CTNNA2: variants seen among roughly 807,000 people sequenced by gnomAD.
CTNNA2 encodes the protein catenin alpha-2.
Under a neutral mutation model 101.0 loss-of-function variants are expected in CTNNA2, and 42 were observed. The ratio of observed to expected loss-of-function variants is 0.42; its 90% CI spans 0.32 to 0.54. CTNNA2 has a LOEUF of 0.54. Ranked by LOEUF, CTNNA2 falls within the 20% of genes least tolerant of loss-of-function variation. The pLI, the probability that CTNNA2 is intolerant of heterozygous loss-of-function variation, is 0.14. For synonymous variants in CTNNA2, 450 were observed against 456.4 expected (o/e 0.99, Z 0.18); for missense variants, 871 against 1,223.1 (o/e 0.71, Z 4.29).
intron 7 of CTNNA2, among the ~76,000 whole-genome samples, chr2:80,195,700 A>G (rs975352827): frequency 2.3e-4 from 35 of 152,060 alleles, no homozygotes; most frequent in Admixed American, 7.9e-4. Flanking sequence ...GCTTTTGAAA[A>G]CAAACAAGTA....
In CTNNA2 at chr2:80,376,597, G is replaced by C. The variant is rs138104684; in HGVS notation, c.1057-16614G>C. Among the ~76,000 whole-genome samples the C allele has an allele frequency of 7.8e-3, 1,186 of 152,246 alleles. 19 individuals are homozygous for C. The highest frequency in any genetic ancestry group is 0.027 in the African/African-American group (1,124 of 41,548). ...AAGAATTGTACATTAAAGAATGATAGATAGATCTCTAGACTTTGCATCATG... is the reference window on the plus strand; with the variant it reads ...AAGAATTGTACATTAAAGAATGATACATAGATCTCTAGACTTTGCATCATG... On this transcript the variant is annotated intron_variant, in intron 7 of 18. Transcript: ENST00000402739.
At chr2:80,279,547 T>A (rs1210668878) in intron 7 of CTNNA2, among the ~76,000 whole-genome samples, 1 of 152,192 alleles carries the variant, frequency 6.6e-6, no homozygotes, top group African/African-American at 2.4e-5. Flanking sequence ...ACTATTTATT[T>A]TTTTCGCTTT....
intron 18 of CTNNA2, among the ~76,000 whole-genome samples, chr2:80,637,571 C>T (rs2149845247): frequency 6.6e-6 from 1 of 152,264 alleles, no homozygotes; most frequent in African/African-American, 2.4e-5. Context: ...CAAACATTCA[C>T]TGGGAACGGA....
intron 7 of CTNNA2, among the ~76,000 whole-genome samples, chr2:80,267,732 A>G (rs1459467110): frequency 6.6e-6 from 1 of 152,230 alleles, no homozygotes; most frequent in Non-Finnish European, 1.5e-5. Flanking sequence ...GAATGAATAC[A>G]TGCAATCTAA....
At chr2:79,714,589 C>T (rs1211657750) in intron 2 of CTNNA2, among the ~76,000 whole-genome samples, 2 of 151,158 alleles carry the variant, frequency 1.3e-5, no homozygotes, top group Non-Finnish European at 2.9e-5. Context: ...CAATCTTTCA[C>T]CCAGCTGAAC....
At chr2:80,399,385 A>G (rs894604727) in intron 8 of CTNNA2, among the ~76,000 whole-genome samples, 7 of 152,126 alleles carry the variant, frequency 4.6e-5, no homozygotes, top group Non-Finnish European at 7.3e-5. Context: ...TCAATTCACA[A>G]AGTGGTTCAA....
intron 2 of CTNNA2, among the ~76,000 whole-genome samples, chr2:79,690,077 C>T (rs6728136): frequency 0.023 from 3,564 of 151,960 alleles, 137 homozygotes; most frequent in African/African-American, 0.081. Flanking sequence ...TGATGAAAGC[C>T]ATTAAGCCAC....
At chr2:80,433,764 C>T (rs1298716409) in intron 9 of CTNNA2, among the ~76,000 whole-genome samples, 2 of 152,180 alleles carry the variant, frequency 1.3e-5, no homozygotes, top group Non-Finnish European at 2.9e-5. Flanking sequence ...GTCCTCCTGT[C>T]ACCAGAAACC....
At chr2:79,442,824 A>C (rs1220812595) in intron 4 of CTNNA2, among the ~76,000 whole-genome samples, 4 of 152,120 alleles carry the variant, frequency 2.6e-5, no homozygotes, top group Non-Finnish European at 5.9e-5. Flanking sequence ...GGTTGAATTC[A>C]AAGCAGAGTG....
At chr2:80,423,390 A>C (rs990571661) in intron 9 of CTNNA2, among the ~76,000 whole-genome samples, 2 of 152,134 alleles carry the variant, frequency 1.3e-5, no homozygotes, top group Admixed American at 1.3e-4. Flanking sequence ...TCACTTATCC[A>C]TGTGGGTCCA....
intron 7 of CTNNA2, among the ~76,000 whole-genome samples, chr2:80,281,984 C>T (rs1034916605): frequency 5.3e-5 from 8 of 151,618 alleles, no homozygotes; most frequent in Non-Finnish European, 7.4e-5. Flanking sequence ...ATAGAACCTG[C>T]ATGTTGATCC....
intron 9 of CTNNA2, among the ~76,000 whole-genome samples, chr2:80,440,858 G>A (rs1682498189): frequency 6.6e-6 from 1 of 152,138 alleles, no homozygotes; most frequent in Non-Finnish European, 1.5e-5. Flanking sequence ...AGACAACCCT[G>A]ACCCTCAATG....
At chr2:79,605,476 A>G (rs1677824028) in intron 1 of CTNNA2, among the ~76,000 whole-genome samples, 1 of 152,200 alleles carries the variant, frequency 6.6e-6, no homozygotes, top group South Asian at 2.1e-4. Flanking sequence ...ACATAAAGAA[A>G]ATTCCACCGA....
intron 7 of CTNNA2, among the ~76,000 whole-genome samples, chr2:80,349,544 C>G (rs1673088650): frequency 6.6e-6 from 1 of 152,094 alleles, no homozygotes; most frequent in African/African-American, 2.4e-5. Flanking sequence ...AAGCAGAGAT[C>G]TTCCCACCTT....
chr2:79,460,846 T>C (rs925733094), intron 4 of CTNNA2, among the ~76,000 whole-genome samples: 1 of 145,170 alleles, frequency 6.9e-6, no homozygotes, highest in African/African-American at 2.6e-5. Context: ...TATTTTTTTT[T>C]TCTTTTTCTT....
intron 2 of CTNNA2, among the ~76,000 whole-genome samples, chr2:79,236,969 T>C (rs1015199761): frequency 4.6e-5 from 7 of 152,360 alleles, no homozygotes; most frequent in Non-Finnish European, 1.0e-4. Context: ...CCTATGAATG[T>C]TGGTATTTTG....
intron 4 of CTNNA2, among the ~76,000 whole-genome samples, chr2:79,441,023 G>A (rs968396829): frequency 1.3e-5 from 2 of 152,110 alleles, no homozygotes; most frequent in African/African-American, 2.4e-5. Flanking sequence ...GTTCAGTGCC[G>A]AGCAATGTTC....
chr2:79,911,108 C>G (rs987411792), intron 7 of CTNNA2, among the ~76,000 whole-genome samples: 2 of 152,300 alleles, frequency 1.3e-5, no homozygotes, highest in African/African-American at 4.8e-5. Context: ...CCAACACTTT[C>G]TGTAATTTTG....
intron 2 of CTNNA2, among the ~76,000 whole-genome samples, chr2:79,225,950 T>A (rs1466634315): frequency 6.6e-6 from 1 of 152,192 alleles, no homozygotes; most frequent in Non-Finnish European, 1.5e-5. Flanking sequence ...AAAATTAATG[T>A]CTCATTTTAA....
Sources: gnomAD v4.1 joint callset for allele counts (sites outside exome capture counted in the v4.1 genomes callset) on GRCh38, gnomAD v4.1.1 for gene constraint, MANE v1.5 for transcripts, NCBI Gene and HGNC (gene_info 2026-07-23, HGNC 2026-07-21) for gene names.